The following KCNB2 variants were observed in gnomAD, a reference collection of about 807,000 sequenced individuals.
The protein encoded by KCNB2 is potassium voltage-gated channel subfamily B member 2, also known as delayed rectifier potassium channel protein.
KCNB2 carries 15 observed loss-of-function variants against 61.5 expected under a neutral mutation model. The observed-to-expected ratio is 0.24, with a 90% confidence interval of 0.16 to 0.38. The LOEUF (loss-of-function observed/expected upper bound fraction) is 0.38. Ranked by LOEUF, KCNB2 falls within the 10% of genes least tolerant of loss-of-function variation. The pLI is 1.00. For missense variants in KCNB2, 828 were observed against 1,125.2 expected (o/e 0.74, Z 3.78); for synonymous variants, 457 against 446.0 (o/e 1.02, Z -0.31).
Position 72,856,742 on chromosome 8 carries a change from T to C in KCNB2, c.580-79193T>C, listed in dbSNP as rs562814343. Among the ~76,000 whole-genome samples the C allele has an allele frequency of 3.6e-4, 55 of 152,292 alleles. 2 individuals are homozygous for C. The South Asian group carries it at 0.011, about 32-fold the overall frequency. On this transcript the variant is annotated intron_variant, in intron 2 of 2. Transcript: ENST00000523207. ...TTGGATGCAGTGGGTTAAAGAACATTGTGAGATGATATTTTAAATTCTGGA... is the reference window on the plus strand; with the variant it reads ...TTGGATGCAGTGGGTTAAAGAACATCGTGAGATGATATTTTAAATTCTGGA...
At chr8:72,848,163 C>A (rs1262373770) in intron 2 of KCNB2, among the ~76,000 whole-genome samples, 1 of 152,170 alleles carries the variant, frequency 6.6e-6, no homozygotes, top group Non-Finnish European at 1.5e-5. Context: ...TATAGAAAAA[C>A]AACTGCTTTC....
At chr8:72,654,661 A>G (rs1806262364) in intron 2 of KCNB2, among the ~76,000 whole-genome samples, 1 of 152,204 alleles carries the variant, frequency 6.6e-6, no homozygotes, top group Admixed American at 6.5e-5. Context: ...AGATTCTTCA[A>G]GTATTTGCTT....
At position 72,856,114 on chromosome 8, in the gene KCNB2, C is replaced by T. The variant is rs1810203746; in HGVS notation, c.580-79821C>T. Among the ~76,000 whole-genome samples the T allele has an allele frequency of 7.9e-5, 12 of 152,072 alleles. 1 individual carries two copies. In the South Asian group the frequency reaches 2.5e-3, roughly 32 times the overall value. On this transcript the variant is annotated intron_variant, in intron 2 of 2. Transcript: ENST00000523207. ...AGAACTCATGAATAGAGAGTGCTGA[C>T]TATATAATATAATGCAAGTCACATT...
chr8:72,628,400 G>GGT (rs1160601490), intron 2 of KCNB2, among the ~76,000 whole-genome samples: 1,014 of 47,350 alleles, frequency 0.021, 5 homozygotes, highest in Middle Eastern at 0.064. Flanking sequence ...CCTGTTAGGG[G>GGT]GTGTGTGTGT....
chr8:72,787,469 A>G (rs1386405114), intron 2 of KCNB2, among the ~76,000 whole-genome samples: 1 of 151,218 alleles, frequency 6.6e-6, no homozygotes, highest in African/African-American at 2.4e-5. Context: ...AAAGATATTC[A>G]GGAAGAGTGT....
At chr8:72,816,536 A>C (rs1381491012) in intron 2 of KCNB2, among the ~76,000 whole-genome samples, 1 of 152,260 alleles carries the variant, frequency 6.6e-6, no homozygotes, top group Non-Finnish European at 1.5e-5. Flanking sequence ...GTAGCCTGGC[A>C]GCAGATGAAT....
chr8:72,752,313 C>A (rs777581060), intron 2 of KCNB2, among the ~76,000 whole-genome samples: 17 of 152,098 alleles, frequency 1.1e-4, no homozygotes, highest in Non-Finnish European at 2.4e-4. Flanking sequence ...CAGAGGTACC[C>A]AGATGTCTAG....
chr8:72,794,289 G>A (rs947208310), intron 2 of KCNB2, among the ~76,000 whole-genome samples: 4 of 152,080 alleles, frequency 2.6e-5, no homozygotes, highest in Admixed American at 6.6e-5. Flanking sequence ...AATGGTGGCC[G>A]GACACGGTGG....
intron 2 of KCNB2, among the ~76,000 whole-genome samples, chr8:72,735,473 C>G (rs1807827359): frequency 6.6e-6 from 1 of 152,120 alleles, no homozygotes; most frequent in African/African-American, 2.4e-5. Context: ...CATGCAAAAA[C>G]AGCTGAGGTG....
intron 2 of KCNB2, among the ~76,000 whole-genome samples, chr8:72,762,972 G>A (rs1441857315): frequency 6.8e-6 from 1 of 147,048 alleles, no homozygotes; most frequent in Non-Finnish European, 1.5e-5. Context: ...GGCAAAATAA[G>A]GCATATGTAT....
At chr8:72,779,489 A>G (rs1403283892) in intron 2 of KCNB2, among the ~76,000 whole-genome samples, 1 of 152,214 alleles carries the variant, frequency 6.6e-6, no homozygotes, top group Non-Finnish European at 1.5e-5. Context: ...CTCCCCAGCC[A>G]GCTGAAAACT....
intron 2 of KCNB2, among the ~76,000 whole-genome samples, chr8:72,733,485 T>C (rs1163229477): frequency 1.3e-5 from 2 of 152,180 alleles, no homozygotes; most frequent in Admixed American, 6.5e-5. Flanking sequence ...GAGTCTACTC[T>C]ACCACTAATT....
intron 1 of KCNB2, among the ~76,000 whole-genome samples, chr8:72,551,343 C>T (rs980281809): frequency 6.6e-6 from 1 of 152,054 alleles, no homozygotes; most frequent in Non-Finnish European, 1.5e-5. Flanking sequence ...TGGGGGCTAC[C>T]ATATTCCTCC....
At chr8:72,734,580 A>T (rs535717777) in intron 2 of KCNB2, among the ~76,000 whole-genome samples, 1 of 152,332 alleles carries the variant, frequency 6.6e-6, no homozygotes, top group African/African-American at 2.4e-5. Flanking sequence ...CAGGATCCAT[A>T]ATACGATACC....
chr8:72,688,660 T>C (rs1806893094), intron 2 of KCNB2, among the ~76,000 whole-genome samples: 1 of 152,186 alleles, frequency 6.6e-6, no homozygotes, highest in African/African-American at 2.4e-5. Context: ...AATAAATGAA[T>C]TAACTACTTT....
chr8:72,765,726 CT>C lies in KCNB2; in HGVS notation c.580-170208del, dbSNP rs530194316. On this transcript the variant is annotated intron_variant, in intron 2 of 2. Transcript: ENST00000523207. ...ATAGGTAATGAATGCTATAGTGGTT[CT>C]CGAACTGCAGCATGCATCAGAATCA... is the stretch of plus-strand genomic sequence containing the variant. Among the ~76,000 whole-genome samples, 650 of 152,272 alleles carry C rather than the reference CT, an allele frequency of 4.3e-3. 4 individuals carry two copies. Among genetic ancestry groups the C allele is most frequent in the African/African-American group, 0.015 (611 of 41,550 alleles).
chr8:72,701,571 AT>A (rs796629527), intron 2 of KCNB2, among the ~76,000 whole-genome samples: 1 of 151,914 alleles, frequency 6.6e-6, no homozygotes, highest in Non-Finnish European at 1.5e-5. Flanking sequence ...CTCTACTTCC[AT>A]TTTTTTCATA....
intron 2 of KCNB2, among the ~76,000 whole-genome samples, chr8:72,678,020 G>A (rs1183769286): frequency 6.6e-6 from 1 of 152,112 alleles, no homozygotes; most frequent in Non-Finnish European, 1.5e-5. Context: ...TCAAATTAAA[G>A]CTGCCTCCCC....
intron 2 of KCNB2, among the ~76,000 whole-genome samples, chr8:72,636,374 A>G (rs1346579085): frequency 6.6e-6 from 1 of 152,206 alleles, no homozygotes; most frequent in African/African-American, 2.4e-5. Flanking sequence ...CTAGATTTTT[A>G]TGTAAATTAG....
Sources: allele counts gnomAD v4.1 joint callset (sites outside exome capture counted in the v4.1 genomes callset), GRCh38; gene constraint gnomAD v4.1.1; transcripts MANE v1.5; gene names NCBI Gene and HGNC (gene_info 2026-07-23, HGNC 2026-07-21).